TG: variants seen among roughly 807,000 people sequenced by gnomAD.
TG encodes thyroid hormones.
Under a neutral mutation model 324.7 loss-of-function variants are expected in TG, and 270 were observed. The observed-to-expected ratio is 0.83, with a 90% CI of 0.75 to 0.92. TG has a LOEUF of 0.92. TG is among the 40% of genes least tolerant of loss of function. TG has a pLI of 0.00. For synonymous variants in TG, 1,401 were observed against 1,327.0 expected, an observed-to-expected ratio of 1.06 and a Z score of -1.21; for missense variants, 3,591 against 3,456.4, an observed-to-expected ratio of 1.04 and a Z score of -0.98.
chr8:132,887,235 G>A lies in TG; in HGVS notation c.1863G>A (p.Thr621=), dbSNP rs148739204. 1.6e-4 allele frequency: 257 copies of A among 1,607,270 alleles called. No individual in the cohort carries two copies. Among genetic ancestry groups the A allele is most frequent in the Non-Finnish European group, 2.1e-4 (248 of 1,175,812 alleles). Residue 621 remains threonine (T), a synonymous_variant, in exon 9 of 48, where the codon ACG becomes ACA. Transcript: ENST00000220616. ...AAAGGCTATTTGTCCCATCATGCAC[G>A]ACAGAAGGAAGCTATGAGGATGTCC... ...TPERLFVPSC[T]TEGSYEDVQC...
intron 5 of TG, among the ~76,000 whole-genome samples, chr8:132,877,338 T>C (rs1017249824): frequency 2.6e-5 from 4 of 152,016 alleles, no homozygotes; most frequent in Non-Finnish European, 5.9e-5. Flanking sequence ...CGGGGTTCAC[T>C]ATGTTGGTCA....
intron 17 of TG, among the ~76,000 whole-genome samples, chr8:132,907,503 G>T (rs954235102): frequency 6.6e-6 from 1 of 152,118 alleles, no homozygotes; most frequent in South Asian, 2.1e-4. Flanking sequence ...GGTCCACCCG[G>T]TGCAGTGGGA....
intron 40 of TG, 125 bp from the exon 41 acceptor site, chr8:133,029,696 C>T: frequency 2.6e-6 from 3 of 1,152,012 alleles, no homozygotes; most frequent in Non-Finnish European, 3.9e-6. Context: ...CAGTCTCTAC[C>T]TGTGAGGACA....
chr8:132,962,587 A>G (rs1211241470), intron 28 of TG, among the ~76,000 whole-genome samples: 4 of 152,190 alleles, frequency 2.6e-5, no homozygotes, highest in African/African-American at 9.7e-5. Context: ...ATTTAGTTAA[A>G]TTGTTAAAAT....
rs776616195 is a variant in TG, at chr8:132,967,957, G to C, written c.5850G>C (p.Leu1950=). The change falls in exon 31 of 48, where the codon CTG becomes CTC. Residue 1950 remains leucine (L), a synonymous_variant. Coordinates refer to ENST00000220616, the MANE Select transcript of TG (RefSeq NM_003235.5). ...TCCTGCCTCAGATGCCAAAGGCCCT[G>C]TTCCGGAAGAAAGGTGAGCACTTGG... ...RLILPQMPKA[L]FRKKVILEDK... is the part of the protein sequence containing the mutation. 13 of 1,613,494 alleles carry C rather than the reference G, an allele frequency of 8.1e-6. No individual in the cohort carries two copies. The highest frequency in any genetic ancestry group is 1.1e-5 in the Non-Finnish European group (13 of 1,179,818).
At chr8:132,941,915 C>T (rs1486461649) in intron 26 of TG, among the ~76,000 whole-genome samples, 1 of 152,158 alleles carries the variant, frequency 6.6e-6, no homozygotes, top group African/African-American at 2.4e-5. Context: ...TCCACAGCAC[C>T]TTACTGTCAC....
Position 132,917,922 on chromosome 8 carries a change from A to G in TG, c.4379-1454A>G, listed in dbSNP as rs1439195756. Reference sequence around the variant, plus strand: ...TTTTTTTTTAATTGCAAAAACCACAATTACTTTTGCGCCAGCTTAATATTA... The same window carrying G: ...TTTTTTTTTAATTGCAAAAACCACAGTTACTTTTGCGCCAGCTTAATATTA... On this transcript the variant is annotated intron_variant, in intron 20 of 47. Transcript: ENST00000220616. Among the ~76,000 whole-genome samples, 6 of 149,878 alleles carry G rather than the reference A, an allele frequency of 4.0e-5. No individual in the cohort carries two copies. In the East Asian group the frequency reaches 5.9e-4, roughly 15 times the overall value.
chr8:133,046,084 T>C (rs1274467072), intron 41 of TG, among the ~76,000 whole-genome samples: 1 of 152,004 alleles, frequency 6.6e-6, no homozygotes, highest in African/African-American at 2.4e-5. Context: ...TTGGTAAGAG[T>C]AGAACCGCAG....
chr8:132,950,663 G>A (rs1473683689), intron 27 of TG, among the ~76,000 whole-genome samples: 3 of 152,238 alleles, frequency 2.0e-5, no homozygotes, highest in Non-Finnish European at 2.9e-5. Context: ...GTTTGTCTGT[G>A]ATGTTAAATC....
chr8:132,891,948 G>C (rs990553074), intron 10 of TG, among the ~76,000 whole-genome samples: 1 of 152,166 alleles, frequency 6.6e-6, no homozygotes, highest in Non-Finnish European at 1.5e-5. Context: ...ACACTGCCAA[G>C]GACAGCATGT....
chr8:132,878,247 T>C (rs1274701031), intron 5 of TG, among the ~76,000 whole-genome samples: 1 of 152,176 alleles, frequency 6.6e-6, no homozygotes, highest in African/African-American at 2.4e-5. Flanking sequence ...GAACACTGTA[T>C]GCCACAGGGG....
intron 43 of TG, among the ~76,000 whole-genome samples, chr8:133,112,951 G>A (rs1467770172): frequency 2.6e-5 from 4 of 152,182 alleles, no homozygotes; most frequent in African/African-American, 4.8e-5. Context: ...ATGAAAGTGT[G>A]CATGAAGCAT....
At chr8:132,964,021 A>T (rs1828163935) in intron 29 of TG, among the ~76,000 whole-genome samples, 1 of 151,926 alleles carries the variant, frequency 6.6e-6, no homozygotes, top group Non-Finnish European at 1.5e-5. Context: ...TACTTAACAC[A>T]TGCCTAAAAA....
intron 34 of TG, among the ~76,000 whole-genome samples, chr8:132,978,602 T>A (rs1026806935): frequency 6.6e-6 from 1 of 152,140 alleles, no homozygotes; most frequent in African/African-American, 2.4e-5. Flanking sequence ...GGGTGCTTCT[T>A]CAGAGCATGA....
chr8:133,001,206 C>T (rs1350483105), intron 35 of TG, among the ~76,000 whole-genome samples: 1 of 147,990 alleles, frequency 6.8e-6, no homozygotes, highest in Non-Finnish European at 1.5e-5. Context: ...CGGGTTAGGA[C>T]TGCAACGTGT....
At chr8:133,008,694 T>C (rs1834232740) in intron 35 of TG, among the ~76,000 whole-genome samples, 1 of 152,194 alleles carries the variant, frequency 6.6e-6, no homozygotes, top group African/African-American at 2.4e-5. Context: ...TACCACTTAA[T>C]TAGCCATGCT....
At chr8:133,041,215 C>A (rs1169107272) in intron 41 of TG, among the ~76,000 whole-genome samples, 1 of 152,208 alleles carries the variant, frequency 6.6e-6, no homozygotes, top group Non-Finnish European at 1.5e-5. Context: ...GGCCTCAGAG[C>A]CAATCCACCA....
intron 25 of TG, among the ~76,000 whole-genome samples, chr8:132,940,664 A>G (rs150402853): frequency 6.6e-6 from 1 of 152,318 alleles, no homozygotes; most frequent in East Asian, 1.9e-4. Flanking sequence ...CACAAAGGGA[A>G]GGGAAAACTC....
intron 5 of TG, among the ~76,000 whole-genome samples, chr8:132,874,922 T>C (rs961491435): frequency 6.6e-6 from 1 of 152,182 alleles, no homozygotes; most frequent in Non-Finnish European, 1.5e-5. Flanking sequence ...CTGTGCTCTG[T>C]TGCCACACCA....
Sources: gnomAD v4.1 joint callset for allele counts (sites outside exome capture counted in the v4.1 genomes callset) on GRCh38, gnomAD v4.1.1 for gene constraint, MANE v1.5 for transcripts, NCBI Gene and HGNC (gene_info 2026-07-23, HGNC 2026-07-21) for gene names.